UBOX5: variants seen among roughly 807,000 people sequenced by gnomAD.
The protein encoded by UBOX5 is U-box domain containing 5.
UBOX5 carries 28 observed loss-of-function variants against 39.0 expected under a neutral mutation model. That is an observed-to-expected ratio of 0.72 (90% CI 0.53 to 0.98). The LOEUF (loss-of-function observed/expected upper bound fraction) is 0.98. Among genes scored for constraint, UBOX5 ranks in the 50% least tolerant of loss-of-function variants. The pLI is 0.00. For missense variants in UBOX5, 585 were observed against 674.4 expected (o/e 0.87, Z 1.47); for synonymous variants, 283 against 275.5 (o/e 1.03, Z -0.27).
Position 3,121,935 on chromosome 20 carries a change from T to A in UBOX5, c.704A>T (p.Asp235Val). The change falls in exon 3 of 5, where the codon GAC (aspartate) becomes GTC (valine). Residue 235 changes from aspartate to valine, a missense_variant. Asp to Val is a radical substitution (Grantham distance 152). Coordinates refer to ENST00000217173, the MANE Select transcript of UBOX5 (RefSeq NM_014948.4). ...CTGGCTCTCAGGCTGGTCCCCAGGG[T>A]CACAGTCACTTTCCATGGGCAAGGC... is the stretch of plus-strand genomic sequence containing the variant. ...APALPMESDC[D>V]PGDQPESQQA... 3 of 1,613,750 alleles carry A rather than the reference T, an allele frequency of 1.9e-6. No individual in the cohort carries two copies. The highest frequency in any genetic ancestry group is 2.2e-5 in the South Asian group (2 of 91,072).
chr20:3,155,747 G>A (rs1195519287), intron 1 of UBOX5, among the ~76,000 whole-genome samples: 2 of 152,186 alleles, frequency 1.3e-5, no homozygotes, highest in Non-Finnish European at 2.9e-5. Context: ...TTTAGTGCAA[G>A]CACTTTCTAC....
chr20:3,138,027 C>G (rs2066486673), intron 1 of UBOX5, among the ~76,000 whole-genome samples: 1 of 152,212 alleles, frequency 6.6e-6, no homozygotes, highest in Admixed American at 6.5e-5. Context: ...AATCCCGGCA[C>G]TTTGGGAGGC....
chr20:3,128,823 A>G (rs1433154104), intron 1 of UBOX5, among the ~76,000 whole-genome samples: 1 of 152,202 alleles, frequency 6.6e-6, no homozygotes, highest in African/African-American at 2.4e-5. Context: ...TGACTGTGCT[A>G]TTGTACTCCA....
At chr20:3,130,232 AAT>A (rs2066418939) in intron 1 of UBOX5, among the ~76,000 whole-genome samples, 1 of 14,502 alleles carries the variant, frequency 6.9e-5, no homozygotes, top group African/African-American at 1.2e-3. Flanking sequence ...TCCAAAAATA[AAT>A]AAATAAATAA....
At chr20:3,118,140 G>C (rs1415065312) in intron 3 of UBOX5, among the ~76,000 whole-genome samples, 1 of 152,100 alleles carries the variant, frequency 6.6e-6, no homozygotes, top group African/African-American at 2.4e-5. Context: ...CAGCCTGGGC[G>C]ACAGAGGGAG....
At chr20:3,135,216 G>A (rs1248455127) in intron 1 of UBOX5, among the ~76,000 whole-genome samples, 2 of 152,264 alleles carry the variant, frequency 1.3e-5, no homozygotes, top group Admixed American at 6.5e-5. Flanking sequence ...AAATTCACAG[G>A]AGTAAACATG....
chr20:3,111,174 A>T (rs2066251300), intron 4 of UBOX5, among the ~76,000 whole-genome samples: 2 of 152,004 alleles, frequency 1.3e-5, no homozygotes, highest in Non-Finnish European at 2.9e-5. Context: ...TCCTTTCCTC[A>T]TGGCCCCTCT....
Position 3,115,358 on chromosome 20 carries a change from T to G in UBOX5, c.1364A>C (p.Gln455Pro), listed in dbSNP as rs781210156. 2 of 1,614,176 alleles carry G rather than the reference T, an allele frequency of 1.2e-6. No individual in the cohort carries two copies. The highest frequency in any genetic ancestry group is 8.5e-7 in the Non-Finnish European group (1 of 1,180,022). ...GTTGCTCCCTCTTGTGCCAAGGTGC[T>G]GGAGCTGTCCCCTGGTCAGCCGTGC... ...FTARLTRGQLQHLGTRGSNTS... is the reference protein window; with the variant it reads ...FTARLTRGQLPHLGTRGSNTS... The change falls in exon 4 of 5, where the codon CAG becomes CCG. Residue 455 changes from glutamine (Q) to proline (P), a missense_variant. Physicochemically the swap from Gln to Pro is moderately conservative, Grantham distance 76. Transcript: ENST00000217173.
Position 3,109,691 on chromosome 20 carries a change from A to G in UBOX5, c.*415T>C, listed in dbSNP as rs1219383481. 4.4e-6 allele frequency: 1 copy of G among 229,172 alleles called. No homozygotes were observed. The highest frequency in any genetic ancestry group is 8.8e-6 in the Non-Finnish European group (1 of 113,214). 14.2% of individuals were successfully genotyped at this position (229,172 alleles called of 1,614,324 possible). On this transcript the variant is annotated 3_prime_UTR_variant, in exon 5 of 5. Transcript: ENST00000217173. Reference sequence around the variant, plus strand: ...TCCACAGACACCCCCACTGCTCCCAAGGTCCACTTTTGGATGACCCTGAAG... The same window carrying G: ...TCCACAGACACCCCCACTGCTCCCAGGGTCCACTTTTGGATGACCCTGAAG...
At chr20:3,137,635 A>T (rs2066483135) in intron 1 of UBOX5, among the ~76,000 whole-genome samples, 1 of 152,102 alleles carries the variant, frequency 6.6e-6, no homozygotes, top group South Asian at 2.1e-4. Flanking sequence ...TGATTCACCG[A>T]TTTTCAGATT....
In UBOX5 at chr20:3,121,599, T is replaced by C; in HGVS notation, c.1040A>G (p.Gln347Arg). ...AGAAGGGATCACTGCCAATGCCGTCTGTGCTCTCCCAAGCAGGTGGCAGCC... is the reference window on the plus strand; with the variant it reads ...AGAAGGGATCACTGCCAATGCCGTCCGTGCTCTCCCAAGCAGGTGGCAGCC... ...IPGCHLLGRA[Q>R]TALAVIPSSI... Residue 347 changes from glutamine to arginine, a missense_variant, in exon 3 of 5, where the codon CAG becomes CGG. Transcript: ENST00000217173. 1 of 1,605,922 alleles carries C rather than the reference T, an allele frequency of 6.2e-7. No homozygotes were observed. The highest frequency in any genetic ancestry group is 8.5e-7 in the Non-Finnish European group (1 of 1,176,070).
At chr20:3,140,569 T>C (rs535568199) in intron 1 of UBOX5, among the ~76,000 whole-genome samples, 1 of 152,264 alleles carries the variant, frequency 6.6e-6, no homozygotes, top group South Asian at 2.1e-4. Context: ...CCATCTGCTC[T>C]TGCTTCTCTC....
At position 3,115,379 on chromosome 20, in the gene UBOX5, C is replaced by T. The variant is rs148208881; in HGVS notation, c.1343G>A (p.Arg448Gln). 2.5e-6 allele frequency: 4 copies of T among 1,614,052 alleles called. No individual in the cohort carries two copies. Among genetic ancestry groups the T allele is most frequent in the South Asian group, 1.1e-5 (1 of 91,070 alleles). The change falls in exon 4 of 5, where the codon CGG becomes CAG. Residue 448 changes from arginine (R) to glutamine (Q), a missense_variant. By Grantham distance (43) the Arg-to-Gln change is conservative. Coordinates refer to ENST00000217173, the MANE Select transcript of UBOX5 (RefSeq NM_014948.4). ...GTGCTGGAGCTGTCCCCTGGTCAGCCGTGCCGTGAAGGAGGGCATAGAGCC... is the reference window on the plus strand; with the variant it reads ...GTGCTGGAGCTGTCCCCTGGTCAGCTGTGCCGTGAAGGAGGGCATAGAGCC... ...TLGSMPSFTA[R>Q]LTRGQLQHLG...
At position 3,123,302 on chromosome 20, in the gene UBOX5, T is replaced by C. The variant is rs760859099; in HGVS notation, c.54+10A>G. The C allele has an allele frequency of 6.2e-7, 1 of 1,612,136 alleles. No homozygotes were observed. Among genetic ancestry groups the C allele is most frequent in the South Asian group, 1.1e-5 (1 of 90,964 alleles). On this transcript the variant is annotated intron_variant, in intron 2 of 4. Coordinates refer to ENST00000217173, the MANE Select transcript of UBOX5 (RefSeq NM_014948.4). Reference sequence around the variant, plus strand: ...GCATATATTTATGTGTATATATTTGTTTTGTTTACCTTGTTGCAGTGAATT... The same window carrying C: ...GCATATATTTATGTGTATATATTTGCTTTGTTTACCTTGTTGCAGTGAATT...
At chr20:3,142,536 G>C (rs1313054309) in intron 1 of UBOX5, among the ~76,000 whole-genome samples, 2 of 151,114 alleles carry the variant, frequency 1.3e-5, no homozygotes, top group Non-Finnish European at 3.0e-5. Flanking sequence ...CCCGGGAGGT[G>C]GAGGTTGCAG....
At chr20:3,114,594 T>G (rs752866671) in intron 4 of UBOX5, among the ~76,000 whole-genome samples, 6 of 151,814 alleles carry the variant, frequency 4.0e-5, no homozygotes, top group Non-Finnish European at 7.4e-5. Context: ...CAACCAAACC[T>G]CTCTTCACAT....
chr20:3,148,585 G>A lies in UBOX5; in HGVS notation c.-42+11181C>T, dbSNP rs141033197. The A allele has an allele frequency of 6.8e-6, 11 of 1,613,978 alleles. No individual in the cohort carries two copies. The African/African-American group carries it at 1.3e-4, about 20-fold the overall frequency. On this transcript the variant is annotated intron_variant, in intron 1 of 4. Coordinates refer to ENST00000217173, the MANE Select transcript of UBOX5 (RefSeq NM_014948.4). ...TCAGCTTACACAAATAATCAACAAT[G>A]ACTTGAGCCTGGAGATTATTTTGAT...
At chr20:3,132,509 T>C (rs2066437375) in intron 1 of UBOX5, among the ~76,000 whole-genome samples, 1 of 151,794 alleles carries the variant, frequency 6.6e-6, no homozygotes, top group African/African-American at 2.4e-5. Flanking sequence ...GTATTAATAA[T>C]AATAATAACA....
At chr20:3,159,420 C>A (rs1380368481) in intron 1 of UBOX5, among the ~76,000 whole-genome samples, 2 of 152,222 alleles carry the variant, frequency 1.3e-5, no homozygotes, top group Non-Finnish European at 2.9e-5. Flanking sequence ...TTCGCAGGCA[C>A]ATCAAAGTGT....
Sources: gnomAD v4.1 joint callset for allele counts (sites outside exome capture counted in the v4.1 genomes callset) on GRCh38, gnomAD v4.1.1 for gene constraint, MANE v1.5 for transcripts, NCBI Gene and HGNC (gene_info 2026-07-23, HGNC 2026-07-21) for gene names.